Variants in LINGO2 observed in about 807,000 individuals in gnomAD.
The protein encoded by LINGO2 is leucine-rich repeat and immunoglobulin-like domain-containing nogo receptor-interacting protein 2.
In LINGO2, 14 loss-of-function variants were observed where a neutral mutation model predicts 30.6. That is an observed-to-expected ratio of 0.46 (90% CI 0.30 to 0.72). The LOEUF (loss-of-function observed/expected upper bound fraction) is 0.72. LINGO2 is among the 30% of genes least tolerant of loss of function. The pLI is 0.07. For missense variants in LINGO2, 729 were observed against 751.7 expected, an observed-to-expected ratio of 0.97 and a Z score of 0.35; for synonymous variants, 317 against 288.5, an observed-to-expected ratio of 1.10 and a Z score of -1.00.
the LINGO2 span, among the ~76,000 whole-genome samples, chr9:28,689,951 C>G: frequency 6.6e-6 from 1 of 152,098 alleles, no homozygotes; most frequent in East Asian, 1.9e-4. Flanking sequence ...AGCCATTATC[C>G]TCAGCAAACC....
the LINGO2 span, among the ~76,000 whole-genome samples, chr9:29,058,513 C>A: frequency 6.6e-6 from 1 of 151,458 alleles, no homozygotes; most frequent in South Asian, 2.1e-4. Context: ...AACTGGTATA[C>A]AAGAAGGGGT....
the LINGO2 span, among the ~76,000 whole-genome samples, chr9:29,103,971 G>C: frequency 4.6e-5 from 7 of 152,130 alleles, no homozygotes; most frequent in Non-Finnish European, 8.8e-5. Flanking sequence ...ATTTGGACAA[G>C]AGCAGCTAAC....
intron 4 of LINGO2, among the ~76,000 whole-genome samples, chr9:28,131,799 A>G (rs896276933): frequency 1.3e-5 from 2 of 152,170 alleles, no homozygotes; most frequent in African/African-American, 4.8e-5. Context: ...AAATTTATCA[A>G]TGCATCACAC....
chr9:27,938,828 T>C, the LINGO2 span: 1 of 152,202 alleles, frequency 6.6e-6, no homozygotes, highest in African/African-American at 2.4e-5. Context: ...AGATGTTGCA[T>C]AATTAAATGA....
rs1821300544 is a variant in LINGO2, at chr9:28,533,168, C to T, written c.-364-57143G>A. Reference sequence around the variant, plus strand: ...GAAGGGGCTGACTTGCTGAGTTTTCCGGCCTTCATCTTGCTCGGGTGCTGG... The same window carrying T: ...GAAGGGGCTGACTTGCTGAGTTTTCTGGCCTTCATCTTGCTCGGGTGCTGG... On this transcript the variant is annotated intron_variant, in intron 1 of 5. Transcript: ENST00000379992. Among the ~76,000 whole-genome samples, 4 of 152,070 alleles carry T rather than the reference C, an allele frequency of 2.6e-5. No homozygotes were observed. In the South Asian group the frequency reaches 8.3e-4, roughly 32 times the overall value.
At chr9:28,851,086 G>A in the LINGO2 span, among the ~76,000 whole-genome samples, 2 of 152,002 alleles carry the variant, frequency 1.3e-5, no homozygotes, top group Non-Finnish European at 2.9e-5. Flanking sequence ...CATTAAGGAA[G>A]ATCTAAAACA....
chr9:28,610,700 C>T (rs1200010169), intron 1 of LINGO2, among the ~76,000 whole-genome samples: 1 of 152,060 alleles, frequency 6.6e-6, no homozygotes, highest in Admixed American at 6.6e-5. Flanking sequence ...TAATTTCTAT[C>T]ATTTATAAAT....
intron 4 of LINGO2, among the ~76,000 whole-genome samples, chr9:28,021,033 T>A (rs1823093616): frequency 6.6e-6 from 1 of 152,066 alleles, no homozygotes; most frequent in Non-Finnish European, 1.5e-5. Context: ...TTCCATTGCA[T>A]TGATTTTTGC....
intron 3 of LINGO2, among the ~76,000 whole-genome samples, chr9:28,355,291 CTCTCTA>C (rs1339060112): frequency 1.9e-5 from 1 of 52,854 alleles, no homozygotes; most frequent in Non-Finnish European, 4.0e-5. Flanking sequence ...CTCTCTCTCT[CTCTCTA>C]TGTCTCTCTC....
the LINGO2 span, among the ~76,000 whole-genome samples, chr9:28,699,421 C>G: frequency 6.6e-6 from 1 of 152,032 alleles, no homozygotes; most frequent in Non-Finnish European, 1.5e-5. Context: ...ACTTTAATCT[C>G]TTAATCCTGT....
chr9:28,575,918 G>C (rs1390370835), intron 1 of LINGO2, among the ~76,000 whole-genome samples: 2 of 105,798 alleles, frequency 1.9e-5, no homozygotes, highest in African/African-American at 6.5e-5. Flanking sequence ...TATCCTCTTA[G>C]CCTTGAAATA....
chr9:29,009,014 G>A, the LINGO2 span, among the ~76,000 whole-genome samples: 5 of 152,174 alleles, frequency 3.3e-5, no homozygotes, highest in South Asian at 1.0e-3. Flanking sequence ...CAATAAATTA[G>A]GTATTGATGG....
intron 1 of LINGO2, among the ~76,000 whole-genome samples, chr9:28,558,294 T>A (rs897940227): frequency 3.3e-5 from 5 of 151,944 alleles, no homozygotes; most frequent in African/African-American, 1.2e-4. Flanking sequence ...ACATATTCCC[T>A]ACAGAAGATT....
intron 4 of LINGO2, among the ~76,000 whole-genome samples, chr9:28,211,234 G>C (rs899402496): frequency 1.3e-5 from 2 of 150,600 alleles, no homozygotes; most frequent in Admixed American, 6.6e-5. Context: ...CTTACTGATT[G>C]GTTTGTAATC....
intron 5 of LINGO2, among the ~76,000 whole-genome samples, chr9:27,988,535 C>A (rs929401234): frequency 2.0e-5 from 3 of 151,914 alleles, no homozygotes; most frequent in African/African-American, 7.2e-5. Context: ...TTTTAATGAT[C>A]GTCATTCTAA....
chr9:28,218,021 A>T (rs1820828810), intron 4 of LINGO2, among the ~76,000 whole-genome samples: 1 of 151,388 alleles, frequency 6.6e-6, no homozygotes, highest in African/African-American at 2.4e-5. Context: ...CATAAAGTCT[A>T]ATTTGGAAAG....
At chr9:28,017,507 T>C (rs1412187162) in intron 4 of LINGO2, among the ~76,000 whole-genome samples, 2 of 152,044 alleles carry the variant, frequency 1.3e-5, no homozygotes, top group Non-Finnish European at 2.9e-5. Flanking sequence ...GATACAAAAA[T>C]AAATGTACAT....
chr9:28,537,091 T>C (rs1322288824), intron 1 of LINGO2, among the ~76,000 whole-genome samples: 1 of 152,064 alleles, frequency 6.6e-6, no homozygotes, highest in African/African-American at 2.4e-5. Context: ...ACTGACATGA[T>C]GCAACAGAAG....
chr9:29,185,367 G>A, the LINGO2 span, among the ~76,000 whole-genome samples: 1 of 152,034 alleles, frequency 6.6e-6, no homozygotes, highest in Non-Finnish European at 1.5e-5. Flanking sequence ...TAAGAGGCAT[G>A]GATACAACAA....
Sources: gnomAD v4.1 joint callset for allele counts (sites outside exome capture counted in the v4.1 genomes callset) on GRCh38, gnomAD v4.1.1 for gene constraint, MANE v1.5 for transcripts, NCBI Gene and HGNC (gene_info 2026-07-23, HGNC 2026-07-21) for gene names.